BIN2: variants seen among roughly 807,000 people sequenced by gnomAD.
The protein encoded by BIN2 is breast cancer associated protein BRAP1.
A neutral mutation model predicts 67.9 loss-of-function variants in BIN2; 43 were observed. That is an observed-to-expected ratio of 0.63 (90% CI 0.50 to 0.82). The LOEUF is 0.82. Among genes scored for constraint, BIN2 ranks in the 40% least tolerant of loss-of-function variants. BIN2 has a pLI of 0.00. For missense variants in BIN2, 581 were observed against 671.6 expected, an observed-to-expected ratio of 0.87 and a Z score of 1.49; for synonymous variants, 244 against 246.8, an observed-to-expected ratio of 0.99 and a Z score of 0.11.
intron 9 of BIN2, among the ~76,000 whole-genome samples, chr12:51,292,762 G>T (rs1481634056): frequency 6.6e-6 from 1 of 152,098 alleles, no homozygotes; most frequent in African/African-American, 2.4e-5. Flanking sequence ...TGCCTGGCAC[G>T]CACTTTCCAG....
chr12:51,291,360 G>A (rs1222479673), intron 10 of BIN2, among the ~76,000 whole-genome samples: 1 of 152,076 alleles, frequency 6.6e-6, no homozygotes, highest in Non-Finnish European at 1.5e-5. Flanking sequence ...TGTAATCTCA[G>A]CACTTTGGGA....
upstream of BIN2, chr12:51,324,344 C>T: frequency 7.6e-7 from 1 of 1,315,784 alleles, no homozygotes; most frequent in Non-Finnish European, 9.9e-7. Flanking sequence ...AGGCCAGCTT[C>T]CGAGCTCCAA....
chr12:51,281,505 T>C lies in BIN2; in HGVS notation c.1692A>G (p.Gln564=), dbSNP rs1565665900. ...GAGTCTTGGTAGTTTCTCTTCAGAG[T>C]TGTGGATTTTCACTTGTGGATACCT... ...QEEVSTSENP[Q]L The change falls in exon 13 of 13, where the codon CAA becomes CAG. Residue 564 remains glutamine, a synonymous_variant. Coordinates refer to ENST00000615107, the MANE Select transcript of BIN2 (RefSeq NM_016293.4). 6.2e-7 allele frequency: 1 copy of C among 1,614,018 alleles called. No individual in the cohort carries two copies. Among genetic ancestry groups the C allele is most frequent in the Admixed American group, 1.7e-5 (1 of 59,976 alleles).
In BIN2 at chr12:51,297,117, C is replaced by T. The variant is rs762873792; in HGVS notation, c.650G>A (p.Arg217Lys). Residue 217 changes from arginine (R) to lysine (K), a missense_variant, in exon 8 of 13, where the codon AGG becomes AAG. By Grantham distance (26) the Arg-to-Lys change is conservative. Transcript: ENST00000615107. Reference sequence around the variant, plus strand: ...GCTCATTTCCCTGTAGAAGACATCCCTCAAGTTGGAAATGTTTTGGAAGAT... The same window carrying T: ...GCTCATTTCCCTGTAGAAGACATCCTTCAAGTTGGAAATGTTTTGGAAGAT... ...VTIFQNISNLRDVFYREMSKL... is the reference protein window; with the variant it reads ...VTIFQNISNLKDVFYREMSKL... The T allele has an allele frequency of 6.2e-7, 1 of 1,613,944 alleles. No homozygotes were observed. The highest frequency in any genetic ancestry group is 8.5e-7 in the Non-Finnish European group (1 of 1,179,964).
intron 1 of BIN2, among the ~76,000 whole-genome samples, chr12:51,317,912 C>T (rs926139692): frequency 7.9e-5 from 12 of 151,820 alleles, no homozygotes; most frequent in Non-Finnish European, 1.3e-4. Context: ...GGCATGAACC[C>T]GGGAGGCGGA....
rs544023699 is a variant in BIN2 at position 51,285,647 on chromosome 12, G to T, written c.1597-860C>A. ...CTTTCTTTTTTTTTTTTTTTGAGAA[G>T]GAATCTGGCTCTGTCACCCAGGCTG... On this transcript the variant is annotated intron_variant, in intron 11 of 12. Transcript: ENST00000615107. Among the ~76,000 whole-genome samples the T allele has an allele frequency of 1.2e-4, 17 of 137,678 alleles. No individual in the cohort carries two copies. In the East Asian group the frequency reaches 3.2e-3, roughly 26 times the overall value. The allele number at this position is 137,678 out of a possible 152,430, so 90.3% of individuals were successfully genotyped here.
In BIN2 at chr12:51,291,508, A is replaced by G. The variant is rs1035977324; in HGVS notation, c.1515+83T>C. 11 of 1,372,016 alleles carry G rather than the reference A, an allele frequency of 8.0e-6. No homozygotes were observed. The Admixed American group carries it at 1.6e-4, about 20-fold the overall frequency. The allele number at this position is 1,372,016 out of a possible 1,614,324, so 85.0% of individuals were successfully genotyped here. Reference sequence around the variant, plus strand: ...CAATGAGCTGTGATCGCACCACTACACTCCAGCCTGGACGCCTGAGTGAGA... The same window carrying G: ...CAATGAGCTGTGATCGCACCACTACGCTCCAGCCTGGACGCCTGAGTGAGA... On this transcript the variant is annotated intron_variant, in intron 10 of 12. Transcript: ENST00000615107.
intron 5 of BIN2, among the ~76,000 whole-genome samples, chr12:51,301,191 C>A (rs957232869): frequency 6.6e-6 from 1 of 152,004 alleles, no homozygotes; most frequent in Non-Finnish European, 1.5e-5. Context: ...GCACTCCACC[C>A]TGGGCAACAG....
chr12:51,285,395 A>G (rs1042721584), intron 11 of BIN2, among the ~76,000 whole-genome samples: 1 of 152,038 alleles, frequency 6.6e-6, no homozygotes, highest in Non-Finnish European at 1.5e-5. Context: ...GCAGTGCACT[A>G]TGATTGCACC....
intron 2 of BIN2, among the ~76,000 whole-genome samples, chr12:51,303,829 T>G (rs534076369): frequency 1.2e-3 from 182 of 152,362 alleles, no homozygotes; most frequent in African/African-American, 4.2e-3. Context: ...ATCTGGTAGA[T>G]GAACTGCTTT....
intron 2 of BIN2, among the ~76,000 whole-genome samples, chr12:51,309,997 C>G (rs1353400920): frequency 6.6e-6 from 1 of 152,184 alleles, no homozygotes; most frequent in Non-Finnish European, 1.5e-5. Flanking sequence ...AGAGAGGCCT[C>G]CTAGTGAGGC....
At position 51,281,235 on chromosome 12, in the gene BIN2, T is replaced by A. The variant is rs1945113942; in HGVS notation, c.*264A>T. ...GATTAAAGCTCCACTTTAGTTAATG[T>A]ATAAAGTCTTATTCTAATAATGCTA... is the stretch of plus-strand genomic sequence containing the variant. On this transcript the variant is annotated 3_prime_UTR_variant, in exon 13 of 13. Transcript: ENST00000615107. 1 of 516,244 alleles carries A rather than the reference T, an allele frequency of 1.9e-6. No homozygotes were observed. Among genetic ancestry groups the A allele is most frequent in the South Asian group, 2.7e-5 (1 of 37,070 alleles). 32.0% of individuals were successfully genotyped at this position (516,244 alleles called of 1,614,324 possible).
At chr12:51,314,153 T>G (rs531666994) in intron 1 of BIN2, among the ~76,000 whole-genome samples, 1 of 152,168 alleles carries the variant, frequency 6.6e-6, no homozygotes, top group South Asian at 2.1e-4. Flanking sequence ...GTTCAAGCAA[T>G]TCTCCTGCCT....
At chr12:51,307,754 T>A (rs1592273490) in intron 2 of BIN2, among the ~76,000 whole-genome samples, 1 of 152,144 alleles carries the variant, frequency 6.6e-6, no homozygotes, top group Admixed American at 6.6e-5. Context: ...CAAATAAAGT[T>A]CCTAATTTTT....
chr12:51,321,741 C>T (rs984709118), intron 1 of BIN2, among the ~76,000 whole-genome samples: 3 of 152,214 alleles, frequency 2.0e-5, no homozygotes, highest in Non-Finnish European at 4.4e-5. Flanking sequence ...CCATAATAGG[C>T]GCTTGATATT....
intron 2 of BIN2, among the ~76,000 whole-genome samples, chr12:51,305,541 T>C (rs1336966818): frequency 6.6e-6 from 1 of 150,498 alleles, no homozygotes; most frequent in Non-Finnish European, 1.5e-5. Flanking sequence ...GGAGAATCAC[T>C]TGAACCCAGG....
At chr12:51,297,302 C>A (rs1425280440) in intron 7 of BIN2, 138 bp from the exon 8 acceptor site, 2 of 750,074 alleles carry the variant, frequency 2.7e-6, no homozygotes, top group Non-Finnish European at 4.3e-6. Flanking sequence ...GGCACAGTGG[C>A]TCACGCCTGT....
chr12:51,286,218 G>A (rs1010320425), intron 11 of BIN2, among the ~76,000 whole-genome samples: 1 of 152,020 alleles, frequency 6.6e-6, no homozygotes, highest in African/African-American at 2.4e-5. Flanking sequence ...GAGAAAATAT[G>A]ATTTATAATG....
intron 2 of BIN2, among the ~76,000 whole-genome samples, chr12:51,311,333 C>T (rs922575647): frequency 6.6e-6 from 1 of 151,990 alleles, no homozygotes; most frequent in Non-Finnish European, 1.5e-5. Context: ...AGCCACTGTA[C>T]CCAACCATGT....
Sources: gnomAD v4.1 joint callset for allele counts (sites outside exome capture counted in the v4.1 genomes callset) on GRCh38, gnomAD v4.1.1 for gene constraint, MANE v1.5 for transcripts, NCBI Gene and HGNC (gene_info 2026-07-23, HGNC 2026-07-21) for gene names.